SMARCC1: variants seen among roughly 807,000 people sequenced by gnomAD.
SMARCC1 encodes SWI/SNF complex subunit SMARCC1.
In SMARCC1, 43 loss-of-function variants were observed where a neutral mutation model predicts 147.4. The ratio of observed to expected loss-of-function variants is 0.29; its 90% CI spans 0.23 to 0.38. SMARCC1 has a LOEUF of 0.38. Ranked by LOEUF, SMARCC1 falls within the 10% of genes least tolerant of loss-of-function variation. SMARCC1 has a pLI of 1.00. For missense variants in SMARCC1, 1,119 were observed against 1,381.1 expected (o/e 0.81, Z 3.01); for synonymous variants, 495 against 484.4 (o/e 1.02, Z -0.29).
intron 24 of SMARCC1, among the ~76,000 whole-genome samples, chr3:47,633,379 C>T (rs1020862054): frequency 6.6e-6 from 1 of 151,992 alleles, no homozygotes; most frequent in South Asian, 2.1e-4. Flanking sequence ...CAAAAATGAG[C>T]CGAGGTTGCA....
intron 6 of SMARCC1, among the ~76,000 whole-genome samples, chr3:47,722,391 G>A (rs906655648): frequency 1.4e-5 from 2 of 142,598 alleles, no homozygotes; most frequent in Non-Finnish European, 3.0e-5. Context: ...TCTGCCTCCC[G>A]GGTTCAAGTG....
At chr3:47,610,480 G>C in intron 25 of SMARCC1, 153 bp from the exon 26 acceptor site, 1 of 750,402 alleles carries the variant, frequency 1.3e-6, no homozygotes, top group Non-Finnish European at 2.3e-6. Context: ...TGAGAACAAA[G>C]GCATTATTTC....
intron 26 of SMARCC1, among the ~76,000 whole-genome samples, chr3:47,597,134 G>A (rs1159898350): frequency 6.7e-6 from 1 of 149,898 alleles, no homozygotes; most frequent in African/African-American, 2.5e-5. Flanking sequence ...CTGGGCGACA[G>A]GGCGAGACTC....
chr3:47,737,931 G>A (rs1352348369), intron 4 of SMARCC1, 98 bp downstream of exon 4: 1 of 701,828 alleles, frequency 1.4e-6, no homozygotes, highest in Non-Finnish European at 2.3e-6. Flanking sequence ...CCAAAGTGCT[G>A]GGATTACAGG....
chr3:47,701,313 A>G lies in SMARCC1; in HGVS notation c.1130T>C (p.Val377Ala), dbSNP rs1299183213. The G allele has an allele frequency of 1.7e-5, 28 of 1,613,152 alleles. No homozygotes were observed. Among genetic ancestry groups the G allele is most frequent in the Non-Finnish European group, 2.2e-5 (26 of 1,179,092 alleles). Residue 377 changes from valine to alanine, a missense_variant, in exon 11 of 28, where the codon GTA (valine) becomes GCA (alanine). Coordinates refer to ENST00000254480, the MANE Select transcript of SMARCC1 (RefSeq NM_003074.4). ...AAGTACTACTTCTTCTATATTGGGT[A>G]CAGGTGTTGGGTCTTCCATATCCTT... is the stretch of plus-strand genomic sequence containing the variant. ...LTKDMEDPTP[V>A]PNIEEVVLPK...
intron 12 of SMARCC1, among the ~76,000 whole-genome samples, chr3:47,692,823 C>T (rs1212844816): frequency 6.6e-6 from 1 of 151,990 alleles, no homozygotes; most frequent in African/African-American, 2.4e-5. Flanking sequence ...GAGTTCGAGA[C>T]AGGCCTGAAC....
At chr3:47,707,792 T>C (rs935433905) in intron 9 of SMARCC1, among the ~76,000 whole-genome samples, 5 of 152,202 alleles carry the variant, frequency 3.3e-5, no homozygotes, top group African/African-American at 9.6e-5. Flanking sequence ...GCCGGGAGGA[T>C]AGCTTGTGCT....
intron 24 of SMARCC1, 50 bp downstream of exon 24, chr3:47,635,140 G>C (rs771511564): frequency 6.6e-7 from 1 of 1,523,098 alleles, no homozygotes. Flanking sequence ...AAAACAATAC[G>C]ACCATTCATG....
intron 11 of SMARCC1, among the ~76,000 whole-genome samples, chr3:47,698,887 CAT>C (rs1480121738): frequency 1.3e-5 from 2 of 151,722 alleles, no homozygotes; most frequent in Non-Finnish European, 2.9e-5. Context: ...TAAATGTAGA[CAT>C]GTGTGATGAT....
At chr3:47,667,499 C>G (rs2033437482) in intron 19 of SMARCC1, among the ~76,000 whole-genome samples, 1 of 152,200 alleles carries the variant, frequency 6.6e-6, no homozygotes, top group South Asian at 2.1e-4. Flanking sequence ...AATCAGTGAG[C>G]TCACAAATTC....
chr3:47,648,011 T>G (rs2033140466), intron 21 of SMARCC1, among the ~76,000 whole-genome samples: 1 of 152,202 alleles, frequency 6.6e-6, no homozygotes, highest in African/African-American at 2.4e-5. Context: ...TTACTTTTTT[T>G]TGAGACAGAG....
At chr3:47,595,647 A>G (rs2032263066) in intron 26 of SMARCC1, among the ~76,000 whole-genome samples, 1 of 152,144 alleles carries the variant, frequency 6.6e-6, no homozygotes, top group Non-Finnish European at 1.5e-5. Context: ...TACCATTTAT[A>G]TGCAGCATCT....
At chr3:47,635,739 G>T (rs1339630768) in intron 23 of SMARCC1, among the ~76,000 whole-genome samples, 1 of 152,170 alleles carries the variant, frequency 6.6e-6, no homozygotes, top group Non-Finnish European at 1.5e-5. Context: ...AGGCATGATG[G>T]GGTGTATCAG....
intron 2 of SMARCC1, among the ~76,000 whole-genome samples, chr3:47,754,193 A>G (rs1057467470): frequency 6.6e-6 from 1 of 150,658 alleles, no homozygotes; most frequent in Non-Finnish European, 1.5e-5. Flanking sequence ...CACAACAAGC[A>G]TATGAACTTT....
chr3:47,608,874 A>G (rs934880470), intron 26 of SMARCC1, among the ~76,000 whole-genome samples: 12 of 134,476 alleles, frequency 8.9e-5, no homozygotes, highest in South Asian at 4.8e-4. Context: ...AAAAAAAAAA[A>G]GTGTGAATTT....
intron 2 of SMARCC1, among the ~76,000 whole-genome samples, chr3:47,769,069 G>A (rs2034875072): frequency 6.6e-6 from 1 of 151,750 alleles, no homozygotes; most frequent in African/African-American, 2.4e-5. Flanking sequence ...AAATAAGCCA[G>A]GCATGGTGGC....
rs2032092297 is a variant in SMARCC1 at position 47,587,577 on chromosome 3, A to C, written c.*632T>G. On this transcript the variant is annotated 3_prime_UTR_variant, in exon 28 of 28. Coordinates refer to ENST00000254480, the MANE Select transcript of SMARCC1 (RefSeq NM_003074.4). ...CCTCAGAGGCCTCACTAGGGAATAA[A>C]ATCACTGAGGTTCTCCTTCCACATC... The C allele has an allele frequency of 6.5e-6, 1 of 152,884 alleles. No homozygotes were observed. Among genetic ancestry groups the C allele is most frequent in the Admixed American group, 6.5e-5 (1 of 15,312 alleles). 9.5% of individuals were successfully genotyped at this position (152,884 alleles called of 1,614,324 possible).
Position 47,781,770 on chromosome 3 carries a change from G to A in SMARCC1, c.28C>T (p.Pro10Ser), listed in dbSNP as rs966935863. ...CCCGTGGCGCCTACCGCTGTCCCCG[G>A]CCCGCCGCCGCCCGCCGCTGCGGCC... Reference protein sequence around the residue: MAAAAGGGGPGTAVGATGSG... With the variant: MAAAAGGGGSGTAVGATGSG... Residue 10 changes from proline (P) to serine (S), a missense_variant, in exon 1 of 28, where the codon CCG becomes TCG. Pro to Ser is a moderately conservative substitution (Grantham distance 74). This residue lies in a region of SMARCC1 where 542 missense variants were observed against 611.8 expected (regional missense o/e 0.89). Coordinates refer to ENST00000254480, the MANE Select transcript of SMARCC1 (RefSeq NM_003074.4). 3 of 1,450,506 alleles carry A rather than the reference G, an allele frequency of 2.1e-6. No homozygotes were observed. Among genetic ancestry groups the A allele is most frequent in the Non-Finnish European group, 2.7e-6 (3 of 1,104,774 alleles). The allele number at this position is 1,450,506 out of a possible 1,614,324, so 89.9% of individuals were successfully genotyped here. A position where few individuals can be genotyped will look rare whatever the true frequency, so the allele number is the denominator to read the frequency against.
intron 26 of SMARCC1, among the ~76,000 whole-genome samples, chr3:47,599,294 A>C (rs2032348722): frequency 6.6e-6 from 1 of 151,894 alleles, no homozygotes; most frequent in Admixed American, 6.6e-5. Flanking sequence ...GAGGCAAGAG[A>C]ATCACTTGAA....
Sources: gnomAD v4.1 joint callset for allele counts (sites outside exome capture counted in the v4.1 genomes callset) on GRCh38, gnomAD v4.1.1 for gene constraint, gnomAD v4.1.1 regional missense constraint, MANE v1.5 for transcripts, NCBI Gene and HGNC (gene_info 2026-07-23, HGNC 2026-07-21) for gene names.